Variants in PDK2 observed in about 807,000 individuals in gnomAD.
The protein encoded by PDK2 is pyruvate dehydrogenase kinase 2, also known as pyruvate dehydrogenase kinase, isozyme 2.
PDK2 carries 34 observed loss-of-function variants against 50.4 expected under a neutral mutation model. The observed-to-expected ratio is 0.68, with a 90% CI of 0.51 to 0.90. PDK2 has a LOEUF of 0.90. Among genes scored for constraint, PDK2 ranks in the 40% least tolerant of loss-of-function variants. PDK2 has a pLI of 0.00. For synonymous variants in PDK2, 232 were observed against 216.0 expected (o/e 1.07, Z -0.65); for missense variants, 377 against 544.5 (o/e 0.69, Z 3.06).
chr17:50,099,149 G>T (rs1164037818), intron 2 of PDK2, among the ~76,000 whole-genome samples: 2 of 152,142 alleles, frequency 1.3e-5, no homozygotes, highest in African/African-American at 4.8e-5. Flanking sequence ...GGGTGGTGTG[G>T]AGTGGTGGGA....
chr17:50,110,310 T>C lies in PDK2; in HGVS notation c.*213T>C, dbSNP rs1910764673. 2 of 450,364 alleles carry C rather than the reference T, an allele frequency of 4.4e-6. No individual in the cohort carries two copies. 27.9% of individuals were successfully genotyped at this position (450,364 alleles called of 1,614,324 possible). On this transcript the variant is annotated 3_prime_UTR_variant, in exon 11 of 11. Transcript: ENST00000503176. ...GACCCCTCGGTGGCCTCCCTATCTC[T>C]GTGGGCGATGCCTGAGGGTTAGGGA... is the stretch of plus-strand genomic sequence containing the variant.
In PDK2 at chr17:50,101,485, C is replaced by A. The variant is rs1171838009; in HGVS notation, c.261-3886C>A. Among the ~76,000 whole-genome samples the A allele has an allele frequency of 6.6e-6, 1 of 152,156 alleles. No individual in the cohort carries two copies. Among genetic ancestry groups the A allele is most frequent in the Non-Finnish European group, 1.5e-5 (1 of 68,010 alleles). On this transcript the variant is annotated intron_variant, in intron 2 of 10. Transcript: ENST00000503176. The surrounding 1 kb of genome is among the most constrained non-coding windows in gnomAD (Gnocchi z 4.2). ...CCGGAGGCGGGACACCGCCACCTCT[C>A]CCCCAAGTGCAGCGAGCACCCTCCT...
chr17:50,095,134 C>T (rs1414200390), upstream of PDK2: 12 of 337,086 alleles, frequency 3.6e-5, no homozygotes, highest in East Asian at 5.5e-4. Flanking sequence ...GGAGTGAACA[C>T]AGGGGAGGTG....
At chr17:50,096,356 A>G (rs3785920) in intron 1 of PDK2, 289,947 of 933,778 alleles carry the variant, frequency 0.31, 46,026 homozygotes, top group South Asian at 0.48. Context: ...CCAACGTGGC[A>G]GCTGAAATGG....
chr17:50,108,570 A>G (rs772940259), intron 8 of PDK2, 42 bp from the exon 9 acceptor site: 2 of 1,519,282 alleles, frequency 1.3e-6, no homozygotes, highest in Admixed American at 1.8e-5. Context: ...GGGTGGGGAA[A>G]ATGAGCTGTA....
chr17:50,108,170 C>G lies in PDK2; in HGVS notation c.700C>G (p.Gln234Glu). 6.3e-7 allele frequency: 1 copy of G among 1,594,726 alleles called. No homozygotes were observed. Among genetic ancestry groups the G allele is most frequent in the East Asian group, 2.2e-5 (1 of 44,530 alleles). The change falls in exon 7 of 11, where the codon CAG becomes GAG. Residue 234 changes from glutamine (Q) to glutamate (E), a missense_variant. By Grantham distance (29) the Gln-to-Glu change is conservative (BLOSUM62 2). Around this residue, in one of 3 missense-constraint regions of PDK2, gnomAD observed 214 missense variants for 294.0 expected, o/e 0.73. Transcript: ENST00000503176. ...IQEINAANSKQPIHMVYVPSH... is the reference protein window; with the variant it reads ...IQEINAANSKEPIHMVYVPSH... Reference sequence around the variant, plus strand: ...TTGCCCTGTAGCAGCCAACTCCAAACAGCCGATTCACATGGTCTACGTCCC... The same window carrying G: ...TTGCCCTGTAGCAGCCAACTCCAAAGAGCCGATTCACATGGTCTACGTCCC...
Position 50,105,460 on chromosome 17 carries a change from G to C in PDK2, c.332+18G>C, listed in dbSNP as rs769804058. On this transcript the variant is annotated intron_variant, in intron 3 of 10. Coordinates refer to ENST00000503176, the MANE Select transcript of PDK2 (RefSeq NM_002611.5). ...CTGAGCCAGTGAGTGGGGGCCCTGG[G>C]TGGGGCAGGAAGGCAGGTGTTGGCC... is the stretch of plus-strand genomic sequence containing the variant. 2 of 1,610,984 alleles carry C rather than the reference G, an allele frequency of 1.2e-6. No homozygotes were observed. The highest frequency in any genetic ancestry group is 2.7e-5 in the African/African-American group (2 of 74,782).
chr17:50,095,388 A>T lies in PDK2; in HGVS notation c.-48A>T. 1 of 1,397,608 alleles carries T rather than the reference A, an allele frequency of 7.2e-7. No individual in the cohort carries two copies. Among genetic ancestry groups the T allele is most frequent in the African/African-American group, 1.4e-5 (1 of 70,228 alleles). The allele number at this position is 1,397,608 out of a possible 1,614,324, so 86.6% of individuals were successfully genotyped here. On this transcript the variant is annotated 5_prime_UTR_variant, in exon 1 of 11. Transcript: ENST00000503176. ...GCGTCGCTGGGCCGAAAGGTGCGCG[A>T]GCGCTGCCCGCGCGGGGACCACAAC...
In PDK2 at chr17:50,107,885, T is replaced by C. The variant is rs8065833; in HGVS notation, c.686-271T>C. On this transcript the variant is annotated intron_variant, in intron 6 of 10. Coordinates refer to ENST00000503176, the MANE Select transcript of PDK2 (RefSeq NM_002611.5). ...GGGAGGTTTCCCTCTCGCCAGCCCC[T>C]TGCTGGACAGGTCAGGGCTGGCTCC... 953 of 500,678 alleles carry C rather than the reference T, an allele frequency of 1.9e-3. 8 individuals carry two copies. Among genetic ancestry groups the C allele is most frequent in the African/African-American group, 0.017 (883 of 51,972 alleles). 31.0% of individuals were successfully genotyped at this position (500,678 alleles called of 1,614,324 possible).
intron 3 of PDK2, 23 bp from the exon 4 acceptor site, chr17:50,105,862 T>C: frequency 1.2e-6 from 2 of 1,609,940 alleles, no homozygotes; most frequent in East Asian, 4.5e-5. Context: ...GTGTCCCATG[T>C]GAACATCTGC....
At chr17:50,106,172 CA>C (rs1386915838) in intron 4 of PDK2, 103 bp downstream of exon 4, 1 of 1,527,454 alleles carries the variant, frequency 6.5e-7, no homozygotes, top group African/African-American at 1.4e-5. Flanking sequence ...CAGAACCCCA[CA>C]AAGGGAGTCT....
intron 7 of PDK2, 37 bp downstream of exon 7, chr17:50,108,269 T>A (rs1910625855): frequency 1.2e-6 from 2 of 1,605,514 alleles, no homozygotes; most frequent in Non-Finnish European, 1.7e-6. Flanking sequence ...GCGGGGAGCG[T>A]GAGTAGGGCT....
chr17:50,097,750 G>A (rs1910022658), intron 2 of PDK2, 186 bp downstream of exon 2: 1 of 604,458 alleles, frequency 1.7e-6, no homozygotes. Flanking sequence ...CAGGACTGAG[G>A]TCAAGCTCCT....
chr17:50,108,177 T>C lies in PDK2; in HGVS notation c.707T>C (p.Ile236Thr). 4 of 1,596,766 alleles carry C rather than the reference T, an allele frequency of 2.5e-6. No individual in the cohort carries two copies. The highest frequency in any genetic ancestry group is 2.3e-5 in the South Asian group (2 of 88,390). The change falls in exon 7 of 11, where the codon ATT (isoleucine) becomes ACT (threonine). Residue 236 changes from isoleucine to threonine, a missense_variant. Transcript: ENST00000503176. ...EINAANSKQP[I>T]HMVYVPSHLY... ...GTAGCAGCCAACTCCAAACAGCCGA[T>C]TCACATGGTCTACGTCCCCTCCCAC...
rs753668002 is a variant in PDK2 at position 50,109,394 on chromosome 17, T to C, written c.1077T>C (p.Tyr359=). The change falls in exon 10 of 11, where the codon TAT becomes TAC. Residue 359 remains tyrosine (Y), a synonymous_variant. Coordinates refer to ENST00000503176, the MANE Select transcript of PDK2 (RefSeq NM_002611.5). This position sits in a 1 kb window ranked among gnomAD's most constrained non-coding sequence, Gnocchi z 5.0. ...MEGFGTDAVI[Y]LKALSTDSVE... ...GCTTTGGGACCGATGCTGTCATCTA[T>C]CTCAAGGTGAGGGCCCTTCCCGCAG... 1.2e-6 allele frequency: 2 copies of C among 1,605,162 alleles called. No individual in the cohort carries two copies. Among genetic ancestry groups the C allele is most frequent in the South Asian group, 1.1e-5 (1 of 90,614 alleles).
Position 50,103,093 on chromosome 17 carries a change from G to A in PDK2, c.261-2278G>A, listed in dbSNP as rs147668101. Among the ~76,000 whole-genome samples the A allele has an allele frequency of 5.8e-4, 88 of 152,268 alleles. 1 individual carries two copies. Among genetic ancestry groups the A allele is most frequent in the South Asian group, 2.7e-3 (13 of 4,830 alleles). On this transcript the variant is annotated intron_variant, in intron 2 of 10. Coordinates refer to ENST00000503176, the MANE Select transcript of PDK2 (RefSeq NM_002611.5). Reference sequence around the variant, plus strand: ...TCGGCACAAGTGGGTGTTAGTGGTCGCTATGTTCTTCTCCAGGGAGACAGG... The same window carrying A: ...TCGGCACAAGTGGGTGTTAGTGGTCACTATGTTCTTCTCCAGGGAGACAGG...
intron 2 of PDK2, among the ~76,000 whole-genome samples, chr17:50,100,065 G>A (rs146062327): frequency 5.9e-5 from 9 of 152,328 alleles, no homozygotes; most frequent in Non-Finnish European, 1.2e-4. Flanking sequence ...CTGAGAGGAG[G>A]GGGGAGACTT....
chr17:50,107,199 G>C, intron 6 of PDK2, 46 bp downstream of exon 6: 1 of 1,510,264 alleles, frequency 6.6e-7, no homozygotes, highest in East Asian at 2.3e-5. Flanking sequence ...GGCTGGGGAC[G>C]TGGCAGGGCA....
Position 50,110,211 on chromosome 17 carries a change from A to G in PDK2, c.*114A>G. On this transcript the variant is annotated 3_prime_UTR_variant, in exon 11 of 11. Coordinates refer to ENST00000503176, the MANE Select transcript of PDK2 (RefSeq NM_002611.5). ...AGGGGGTGGGTTCTCCCTGATGACC[A>G]GGTTCTGTCTCTATGGAAGTCACTG... is the stretch of plus-strand genomic sequence containing the variant. The G allele has an allele frequency of 8.4e-7, 1 of 1,188,240 alleles. No homozygotes were observed. The highest frequency in any genetic ancestry group is 1.2e-6 in the Non-Finnish European group (1 of 866,910). 73.6% of individuals were successfully genotyped at this position (1,188,240 alleles called of 1,614,324 possible).
Sources: gnomAD v4.1 joint callset for allele counts (sites outside exome capture counted in the v4.1 genomes callset) on GRCh38, gnomAD v4.1.1 for gene constraint, gnomAD v4.1.1 regional missense constraint, Gnocchi (gnomAD v3.1) non-coding constraint, MANE v1.5 for transcripts, NCBI Gene and HGNC (gene_info 2026-07-23, HGNC 2026-07-21) for gene names.